The following KDM6A variants were observed in gnomAD, a reference collection of about 807,000 sequenced individuals.
The protein encoded by KDM6A is lysine demethylase 6A, also known as lysine-specific demethylase 6A.
KDM6A carries 11 observed loss-of-function variants against 117.6 expected under a neutral mutation model. The ratio of observed to expected loss-of-function variants is 0.09; its 90% CI spans 0.06 to 0.15. The LOEUF (loss-of-function observed/expected upper bound fraction) is 0.15, where lower values mean the gene tolerates loss of function less well. KDM6A is among the 10% of genes least tolerant of loss of function. The probability of loss-of-function intolerance (pLI) is 1.00; values close to 1 mark genes in which losing one functional copy is unlikely to be tolerated. For missense variants in KDM6A, 799 were observed against 1,077.3 expected (o/e 0.74, Z 3.62); for synonymous variants, 384 against 396.1 (o/e 0.97, Z 0.36).
chrX:44,931,562 G>A (rs752434918), intron 2 of KDM6A, among the ~76,000 whole-genome samples: 1 of 111,402 alleles, frequency 9.0e-6, no homozygotes, highest in South Asian at 3.8e-4. Context: ...GCTACAGCAT[G>A]GATGAACCTT....
rs1165086776 is a variant in KDM6A, at chrX:45,003,108, CT to C, written c.385-7850del. The stretch of plus-strand genomic sequence containing the variant: ...TGGTTCCTTCCTGGTTCTGTAAGTA[CT>C]TTAAGGCTTGGCTGAGTGCAAACAG... On this transcript the variant is annotated intron_variant, in intron 4 of 29. Transcript: ENST00000611820. Among the ~76,000 whole-genome samples the C allele has an allele frequency of 5.4e-5, 6 of 111,125 alleles. No individual in the cohort carries two copies. The Admixed American group carries it at 5.8e-4, about 11-fold the overall frequency.
At chrX:45,104,261 T>A (rs1374366621) in intron 27 of KDM6A, among the ~76,000 whole-genome samples, 1 of 112,255 alleles carries the variant, frequency 8.9e-6, no homozygotes, top group Non-Finnish European at 1.9e-5. Flanking sequence ...CAACCTCAGG[T>A]GATCACCCGT....
intron 18 of KDM6A, among the ~76,000 whole-genome samples, chrX:45,071,739 T>TTCTTG (rs1556333143): frequency 9.3e-5 from 9 of 96,929 alleles, no homozygotes; most frequent in South Asian, 5.0e-4. Flanking sequence ...GTGTTTTCTT[T>TTCTTG]TCTTTTCTTG....
intron 2 of KDM6A, among the ~76,000 whole-genome samples, chrX:44,884,051 G>A (rs1373967729): frequency 3.1e-5 from 3 of 97,613 alleles, no homozygotes; most frequent in Non-Finnish European, 4.0e-5. Context: ...GTGGTGAGCC[G>A]AGATTGCACC....
rs755712414 is a variant in KDM6A at position 44,928,930 on chromosome X, AT to A, written c.226-32350del. Among the ~76,000 whole-genome samples, 20 of 111,511 alleles carry A rather than the reference AT, an allele frequency of 1.8e-4. No homozygotes were observed. In the South Asian group the frequency reaches 4.8e-3, roughly 27 times the overall value. On this transcript the variant is annotated intron_variant, in intron 2 of 29. Coordinates refer to ENST00000611820, the MANE Select transcript of KDM6A (RefSeq NM_001291415.2). ...TTTCAGTACTATAACCTTCAAAGTC[AT>A]TTTACTATATATTTTTTTGAGACGG...
At chrX:45,083,799 A>G (rs758374974) in intron 24 of KDM6A, among the ~76,000 whole-genome samples, 191 bp downstream of exon 24, 82 of 111,596 alleles carry the variant, frequency 7.3e-4, no homozygotes, top group African/African-American at 2.6e-3. Context: ...GTAATAGCCC[A>G]GAAACATTAT....
chrX:45,090,898 C>G, intron 27 of KDM6A, 34 bp downstream of exon 27: 2 of 1,194,149 alleles, frequency 1.7e-6, no homozygotes, highest in Non-Finnish European at 2.3e-6. Flanking sequence ...TAGTCCCTCT[C>G]TTTTTGGGGA....
At chrX:44,966,392 C>T (rs2039015371) in intron 3 of KDM6A, among the ~76,000 whole-genome samples, 1 of 111,224 alleles carries the variant, frequency 9.0e-6, no homozygotes, top group Non-Finnish European at 1.9e-5. Context: ...ATCCTCCCGC[C>T]TCAGCCTCCC....
At chrX:45,028,093 G>A (rs746386051) in intron 6 of KDM6A, among the ~76,000 whole-genome samples, 63 of 111,886 alleles carry the variant, frequency 5.6e-4, no homozygotes, top group South Asian at 2.2e-3. Flanking sequence ...GATTACAGGC[G>A]TGAGCCACCA....
chrX:44,964,145 T>A (rs1490565991), intron 3 of KDM6A, among the ~76,000 whole-genome samples: 2 of 110,362 alleles, frequency 1.8e-5, no homozygotes, highest in Admixed American at 9.7e-5. Flanking sequence ...TCTTACAAAA[T>A]GTATTACTTT....
In KDM6A at chrX:44,966,855, T is replaced by TTC. The variant is rs200865957; in HGVS notation, c.334+5477_334+5478dup. Among the ~76,000 whole-genome samples, 236 of 102,831 alleles carry TTC rather than the reference T, an allele frequency of 2.3e-3. 3 individuals are homozygous for TTC. In the East Asian group the frequency reaches 0.026, roughly 12 times the overall value. The allele number at this position is 102,831 out of a possible 115,157, so 89.3% of individuals were successfully genotyped here. A position where few individuals can be genotyped will look rare whatever the true frequency, so the allele number is the denominator to read the frequency against. ...AAGGCATGTTGCCACTTAAAATAAATTCTCTCTCTCTCTCTTTTTTTTTTT... is the reference window on the plus strand; with the variant it reads ...AAGGCATGTTGCCACTTAAAATAAATTCTCTCTCTCTCTCTCTTTTTTTTTTT... On this transcript the variant is annotated intron_variant, in intron 3 of 29. Transcript: ENST00000611820.
At chrX:45,076,603 G>T in intron 18 of KDM6A, 94 bp from the exon 19 acceptor site, 2 of 646,709 alleles carry the variant, frequency 3.1e-6, no homozygotes, top group Non-Finnish European at 4.8e-6. Flanking sequence ...CAAATGCCTA[G>T]TAATTTAATT....
chrX:44,901,631 GTTGT>G (rs1053519105), intron 2 of KDM6A, among the ~76,000 whole-genome samples: 1 of 111,138 alleles, frequency 9.0e-6, no homozygotes, highest in African/African-American at 3.3e-5. Context: ...TGTATTTTGA[GTTGT>G]TTGTTTTTAC....
chrX:45,041,106 G>A (rs1284941326), intron 8 of KDM6A, among the ~76,000 whole-genome samples: 2 of 72,980 alleles, frequency 2.7e-5, no homozygotes, highest in Non-Finnish European at 2.5e-5. Flanking sequence ...CGGACGGGGT[G>A]GCTGGCCGGG....
intron 4 of KDM6A, among the ~76,000 whole-genome samples, chrX:44,987,102 G>A (rs2040272404): frequency 9.0e-6 from 1 of 111,421 alleles, no homozygotes; most frequent in Non-Finnish European, 1.9e-5. Context: ...CTCCTGTATT[G>A]GGTGCATATA....
chrX:45,049,928 A>C (rs1001720982), intron 8 of KDM6A, among the ~76,000 whole-genome samples: 1 of 113,045 alleles, frequency 8.8e-6, no homozygotes, highest in Non-Finnish European at 1.9e-5. Context: ...AATATTTATC[A>C]ATTGAAGGAA....
At chrX:45,101,788 T>A (rs1049123093) in intron 27 of KDM6A, among the ~76,000 whole-genome samples, 29 of 112,212 alleles carry the variant, frequency 2.6e-4, no homozygotes, top group African/African-American at 8.1e-4. Flanking sequence ...ATTTAGTAAT[T>A]ATATGATTAT....
intron 4 of KDM6A, among the ~76,000 whole-genome samples, chrX:44,984,624 A>C (rs1228422856): frequency 2.7e-5 from 3 of 111,660 alleles, no homozygotes; most frequent in South Asian, 3.8e-4. Flanking sequence ...TCAGCTTTCT[A>C]CATATGGCTA....
chrX:45,006,402 G>A (rs1257179514), intron 4 of KDM6A, among the ~76,000 whole-genome samples: 1 of 110,449 alleles, frequency 9.1e-6, no homozygotes, highest in Non-Finnish European at 1.9e-5. Flanking sequence ...TTCTCAGCAA[G>A]ACAAGATACT....
Sources: gnomAD v4.1 joint callset for allele counts (sites outside exome capture counted in the v4.1 genomes callset) on GRCh38, gnomAD v4.1.1 for gene constraint, MANE v1.5 for transcripts, NCBI Gene and HGNC (gene_info 2026-07-23, HGNC 2026-07-21) for gene names.